Variants in CACNA1D observed in about 807,000 individuals in gnomAD.
The protein encoded by CACNA1D is voltage-dependent L-type calcium channel subunit alpha-1D.
A neutral mutation model predicts 257.1 loss-of-function variants in CACNA1D; 55 were observed. The observed-to-expected ratio is 0.21, with a 90% confidence interval of 0.17 to 0.27. CACNA1D has a LOEUF of 0.27. Among genes scored for constraint, CACNA1D ranks in the 10% least tolerant of loss-of-function variants. The probability of loss-of-function intolerance (pLI) is 1.00; values close to 1 mark genes in which losing one functional copy is unlikely to be tolerated. For synonymous variants in CACNA1D, 980 were observed against 1,014.9 expected (o/e 0.97, Z 0.65); for missense variants, 1,876 against 2,784.0 (o/e 0.67, Z 7.34).
chr3:53,722,936 C>G (rs751937110), intron 12 of CACNA1D, among the ~76,000 whole-genome samples: 3 of 152,136 alleles, frequency 2.0e-5, no homozygotes, highest in Non-Finnish European at 4.4e-5. Flanking sequence ...TTCATCCAGT[C>G]AAACCCGTTT....
intron 29 of CACNA1D, among the ~76,000 whole-genome samples, chr3:53,754,856 T>C (rs1195325066): frequency 6.6e-6 from 1 of 152,254 alleles, no homozygotes; most frequent in Non-Finnish European, 1.5e-5. Context: ...TACATGAAAT[T>C]CTAATTCCAA....
At chr3:53,736,526 T>C (rs1483630786) in intron 20 of CACNA1D, among the ~76,000 whole-genome samples, 1 of 152,212 alleles carries the variant, frequency 6.6e-6, no homozygotes, top group Non-Finnish European at 1.5e-5. Context: ...GCAGAGCCAC[T>C]TGGACCCTTA....
At position 53,726,781 on chromosome 3, in the gene CACNA1D, G is replaced by A. The variant is rs143960825; in HGVS notation, c.2101-98G>A. 2.1e-3 allele frequency: 3,079 copies of A among 1,482,750 alleles called. 9 individuals are homozygous for A. Among genetic ancestry groups the A allele is most frequent in the Middle Eastern group, 0.01 (49 of 4,776 alleles). 91.8% of individuals were successfully genotyped at this position (1,482,750 alleles called of 1,614,324 possible). On this transcript the variant is annotated intron_variant, in intron 14 of 47. Coordinates refer to ENST00000350061, the MANE Select transcript of CACNA1D (RefSeq NM_001128840.3). The stretch of plus-strand genomic sequence containing the variant: ...TTCAGTGCAAACTGGACTGTGAAAG[G>A]CAGCTTAAACCAGATCTAGGCAGCC...
At chr3:53,593,862 G>A (rs1303341773) in intron 3 of CACNA1D, among the ~76,000 whole-genome samples, 1 of 152,228 alleles carries the variant, frequency 6.6e-6, no homozygotes, top group Non-Finnish European at 1.5e-5. Flanking sequence ...CTCAGTGCTT[G>A]GGTCACCAGC....
chr3:53,708,537 A>G (rs891892164), intron 9 of CACNA1D, among the ~76,000 whole-genome samples: 1 of 152,174 alleles, frequency 6.6e-6, no homozygotes, highest in African/African-American at 2.4e-5. Flanking sequence ...AAGCAGTGGT[A>G]ATTTCTAAAA....
At chr3:53,771,625 A>G (rs1302708137) in intron 32 of CACNA1D, among the ~76,000 whole-genome samples, 1 of 152,244 alleles carries the variant, frequency 6.6e-6, no homozygotes, top group Non-Finnish European at 1.5e-5. Flanking sequence ...CTCGACAGTT[A>G]TTATTCATTT....
At chr3:53,689,363 T>G (rs1166865909) in intron 8 of CACNA1D, among the ~76,000 whole-genome samples, 2 of 151,718 alleles carry the variant, frequency 1.3e-5, no homozygotes, top group Non-Finnish European at 2.9e-5. Flanking sequence ...TTTTTTTTCT[T>G]TAAGCTGCGG....
At chr3:53,749,614 A>T (rs998739119) in intron 27 of CACNA1D, 145 bp downstream of exon 27, 13 of 682,196 alleles carry the variant, frequency 1.9e-5, no homozygotes, top group East Asian at 1.6e-4. Flanking sequence ...GCACACCCTC[A>T]GCCCATTTGA....
intron 3 of CACNA1D, among the ~76,000 whole-genome samples, chr3:53,605,040 G>A (rs2093491040): frequency 6.6e-6 from 1 of 152,184 alleles, no homozygotes; most frequent in Non-Finnish European, 1.5e-5. Context: ...ATGTGTGTAT[G>A]AAACAGGGAC....
At chr3:53,782,296 A>C (rs1222617878) in intron 39 of CACNA1D, 1 of 143,520 alleles carries the variant, frequency 7.0e-6, no homozygotes, top group African/African-American at 2.6e-5. Flanking sequence ...ATATATATGC[A>C]TACTGGCTTT....
intron 3 of CACNA1D, among the ~76,000 whole-genome samples, chr3:53,580,651 T>A (rs2093117318): frequency 6.6e-6 from 1 of 152,224 alleles, no homozygotes; most frequent in Non-Finnish European, 1.5e-5. Context: ...TTGGCCCTTT[T>A]TGGCACAAAG....
intron 20 of CACNA1D, among the ~76,000 whole-genome samples, chr3:53,738,297 A>T (rs1413916455): frequency 6.6e-6 from 1 of 152,182 alleles, no homozygotes; most frequent in Non-Finnish European, 1.5e-5. Context: ...AGATTTATGA[A>T]ACACGCACTC....
Position 53,718,668 on chromosome 3 carries a change from G to T in CACNA1D, c.1478+280G>T, listed in dbSNP as rs368761990. The T allele has an allele frequency of 5.9e-6, 9 of 1,528,692 alleles. No individual in the cohort carries two copies. The highest frequency in any genetic ancestry group is 6.2e-6 in the Non-Finnish European group (7 of 1,135,292). The allele number at this position is 1,528,692 out of a possible 1,614,324, so 94.7% of individuals were successfully genotyped here. ...AATGTGGTGGTTAACCTGGCCACCTGCTGTGTCCATTAGGTGCTGGTGGAG... is the reference window on the plus strand; with the variant it reads ...AATGTGGTGGTTAACCTGGCCACCTTCTGTGTCCATTAGGTGCTGGTGGAG... On this transcript the variant is annotated intron_variant, in intron 10 of 47. Coordinates refer to ENST00000350061, the MANE Select transcript of CACNA1D (RefSeq NM_001128840.3).
intron 8 of CACNA1D, among the ~76,000 whole-genome samples, chr3:53,685,024 A>G (rs898175634): frequency 2.0e-5 from 3 of 152,220 alleles, no homozygotes; most frequent in Admixed American, 1.3e-4. Flanking sequence ...ACGAGATGGT[A>G]GACAAACCCA....
Position 53,605,733 on chromosome 3 carries a change from G to A in CACNA1D, c.484-45046G>A, listed in dbSNP as rs141703010. 8.6e-3 allele frequency among the ~76,000 whole-genome samples: 1,311 copies of A among 152,322 alleles called. 11 individuals are homozygous for A. Among genetic ancestry groups the A allele is most frequent in the African/African-American group, 0.028 (1,177 of 41,568 alleles). On this transcript the variant is annotated intron_variant, in intron 3 of 47. Coordinates refer to ENST00000350061, the MANE Select transcript of CACNA1D (RefSeq NM_001128840.3). Reference sequence around the variant, plus strand: ...ACGAATGTCCTGTTTCATGTTCACAGCATCCTATGATGCAGGTCTGTTCTC... The same window carrying A: ...ACGAATGTCCTGTTTCATGTTCACAACATCCTATGATGCAGGTCTGTTCTC...
chr3:53,797,245 A>G (rs1304172366), intron 40 of CACNA1D, among the ~76,000 whole-genome samples: 4 of 152,178 alleles, frequency 2.6e-5, no homozygotes, highest in Admixed American at 1.3e-4. Flanking sequence ...GTTTTGTGAT[A>G]TGTAATAAAT....
chr3:53,796,296 G>C (rs558174487), intron 40 of CACNA1D: 29 of 455,658 alleles, frequency 6.4e-5, no homozygotes, highest in Non-Finnish European at 1.1e-4. Flanking sequence ...TGCCAGGCAG[G>C]GTTCTTTGGC....
intron 3 of CACNA1D, among the ~76,000 whole-genome samples, chr3:53,545,347 ACT>A (rs1354557285): frequency 6.6e-6 from 1 of 151,998 alleles, no homozygotes; most frequent in Non-Finnish European, 1.5e-5. Flanking sequence ...ACATTTAATG[ACT>A]CTCCCTCACA....
rs1553688893 is a variant in CACNA1D at position 53,803,514 on chromosome 3, CAGG to C, written c.5530_5532del (p.Glu1844del). 1 of 1,613,982 alleles carries C rather than the reference CAGG, an allele frequency of 6.2e-7. No homozygotes were observed. Among genetic ancestry groups the C allele is most frequent in the African/African-American group, 1.3e-5 (1 of 74,936 alleles). ...CAGGGACCCCCACTGCTTGGGGGAG[CAGG>C]AGTATTTCAGTAGTGAGGAATGCTA... On this transcript the variant is annotated inframe_deletion, in exon 44 of 48. Coordinates refer to ENST00000350061, the MANE Select transcript of CACNA1D (RefSeq NM_001128840.3).
Sources: gnomAD v4.1 joint callset for allele counts (sites outside exome capture counted in the v4.1 genomes callset) on GRCh38, gnomAD v4.1.1 for gene constraint, MANE v1.5 for transcripts, NCBI Gene and HGNC (gene_info 2026-07-23, HGNC 2026-07-21) for gene names.